Variants in RABGAP1L observed in about 807,000 individuals in gnomAD.
The protein encoded by RABGAP1L is rab GTPase-activating protein 1-like.
Under a neutral mutation model 137.7 loss-of-function variants are expected in RABGAP1L, and 63 were observed. The ratio of observed to expected loss-of-function variants is 0.46; its 90% CI spans 0.37 to 0.56. The LOEUF (loss-of-function observed/expected upper bound fraction) is 0.56, where lower values mean the gene tolerates loss of function less well. Among genes scored for constraint, RABGAP1L ranks in the 20% least tolerant of loss-of-function variants. RABGAP1L has a pLI of 0.00. For synonymous variants in RABGAP1L, 431 were observed against 433.7 expected (o/e 0.99, Z 0.08); for missense variants, 1,095 against 1,244.0 (o/e 0.88, Z 1.80).
At chr1:174,263,002 T>G (rs1404405106) in intron 7 of RABGAP1L, among the ~76,000 whole-genome samples, 1 of 152,236 alleles carries the variant, frequency 6.6e-6, no homozygotes, top group East Asian at 1.9e-4. Context: ...TGATGTTTGG[T>G]TCAACCCAGC....
At chr1:174,263,445 A>G (rs1018878802) in intron 7 of RABGAP1L, among the ~76,000 whole-genome samples, 1 of 152,132 alleles carries the variant, frequency 6.6e-6, no homozygotes, top group Non-Finnish European at 1.5e-5. Context: ...TGTTTAAATT[A>G]CTGTGTTTTC....
Position 174,699,802 on chromosome 1 carries a change from G to C in RABGAP1L, c.2025+152G>C, listed in dbSNP as rs905581848. 1.5e-3 allele frequency: 1,035 copies of C among 703,338 alleles called. 3 individuals are homozygous for C. The highest frequency in any genetic ancestry group is 1.6e-3 in the Non-Finnish European group (706 of 447,762). 43.6% of individuals were successfully genotyped at this position (703,338 alleles called of 1,614,324 possible). A position where few individuals can be genotyped will look rare whatever the true frequency, so the allele number is the denominator to read the frequency against. ...TTAGTTTCAGACCAATATCTACATTGGTCTATCATAATATGTTTATTTAGC... is the reference window on the plus strand; with the variant it reads ...TTAGTTTCAGACCAATATCTACATTCGTCTATCATAATATGTTTATTTAGC... On this transcript the variant is annotated intron_variant, in intron 16 of 25. Transcript: ENST00000681986.
chr1:174,191,014 C>A (rs951782697), intron 1 of RABGAP1L, among the ~76,000 whole-genome samples: 7 of 152,276 alleles, frequency 4.6e-5, no homozygotes, highest in Non-Finnish European at 8.8e-5. Context: ...CTCTGAAGTT[C>A]GCTGTCTTAG....
At chr1:174,367,701 A>C in intron 11 of RABGAP1L, 1 of 199,434 alleles carries the variant, frequency 5.0e-6, no homozygotes. Flanking sequence ...CAATACATAC[A>C]TAGGACTAAT....
At chr1:174,932,263 T>G (rs1490451859) in intron 19 of RABGAP1L, among the ~76,000 whole-genome samples, 1 of 151,804 alleles carries the variant, frequency 6.6e-6, no homozygotes, top group Non-Finnish European at 1.5e-5. Flanking sequence ...TTTTTTTTTT[T>G]TTAAAAGAAG....
intron 19 of RABGAP1L, among the ~76,000 whole-genome samples, chr1:174,814,721 G>A (rs145763993): frequency 0.022 from 3,292 of 151,044 alleles, 53 homozygotes; most frequent in Middle Eastern, 0.082. Flanking sequence ...TTGAAATGGA[G>A]TCTCATTCTG....
intron 10 of RABGAP1L, among the ~76,000 whole-genome samples, chr1:174,294,920 A>AT (rs796606635): frequency 0.063 from 9,141 of 146,124 alleles, 936 homozygotes; most frequent in African/African-American, 0.21. Context: ...GATACATTGA[A>AT]TTTTTTTTTT....
At chr1:174,708,551 T>C (rs1680228552) in intron 17 of RABGAP1L, among the ~76,000 whole-genome samples, 1 of 152,044 alleles carries the variant, frequency 6.6e-6, no homozygotes, top group Non-Finnish European at 1.5e-5. Context: ...GTCAAGGAAC[T>C]CCCTCCCCTA....
At chr1:174,809,517 TG>T (rs759958168) in intron 18 of RABGAP1L, among the ~76,000 whole-genome samples, 3 of 152,180 alleles carry the variant, frequency 2.0e-5, no homozygotes, top group Non-Finnish European at 2.9e-5. Flanking sequence ...AATTAGGCCT[TG>T]GCAATATTAG....
intron 13 of RABGAP1L, among the ~76,000 whole-genome samples, chr1:174,518,860 A>G (rs1215527036): frequency 6.6e-6 from 1 of 152,236 alleles, no homozygotes; most frequent in Non-Finnish European, 1.5e-5. Context: ...TCAGATGTAT[A>G]TAACAGCAAG....
chr1:174,326,527 T>C (rs994262857), intron 11 of RABGAP1L, among the ~76,000 whole-genome samples: 5 of 151,962 alleles, frequency 3.3e-5, no homozygotes, highest in African/African-American at 1.2e-4. Flanking sequence ...AAAAGTGGAA[T>C]TAGAAGGTAT....
chr1:174,648,309 A>G (rs1369836759), intron 14 of RABGAP1L, among the ~76,000 whole-genome samples: 1 of 151,908 alleles, frequency 6.6e-6, no homozygotes, highest in African/African-American at 2.4e-5. Flanking sequence ...GGTGTCAATT[A>G]TTGATCTTTC....
intron 21 of RABGAP1L, among the ~76,000 whole-genome samples, chr1:174,975,209 T>G (rs1670542878): frequency 6.6e-6 from 1 of 152,240 alleles, no homozygotes; most frequent in African/African-American, 2.4e-5. Flanking sequence ...TCCTGGAGCT[T>G]AAAGCCTAGT....
At chr1:174,225,365 C>G (rs1670086837) in intron 3 of RABGAP1L, among the ~76,000 whole-genome samples, 2 of 151,570 alleles carry the variant, frequency 1.3e-5, no homozygotes. Context: ...TGGGATTGGT[C>G]TGTGGATTAT....
intron 13 of RABGAP1L, among the ~76,000 whole-genome samples, chr1:174,621,632 G>C (rs1485958643): frequency 6.6e-6 from 1 of 152,116 alleles, no homozygotes; most frequent in Non-Finnish European, 1.5e-5. Flanking sequence ...AATGGTGTTG[G>C]GAAAACTGGC....
intron 1 of RABGAP1L, among the ~76,000 whole-genome samples, chr1:174,184,575 C>T (rs1666653028): frequency 6.6e-6 from 1 of 151,530 alleles, no homozygotes; most frequent in Non-Finnish European, 1.5e-5. Flanking sequence ...AATCTGTCAG[C>T]ATTTTTAAAA....
Position 174,988,823 on chromosome 1 carries a change from C to A in RABGAP1L, c.2988C>A (p.Ala996=). The A allele has an allele frequency of 6.5e-7, 1 of 1,535,882 alleles. No individual in the cohort carries two copies. Among genetic ancestry groups the A allele is most frequent in the Non-Finnish European group, 8.8e-7 (1 of 1,141,488 alleles). Residue 996 remains alanine, a synonymous_variant, in exon 25 of 26, where the codon GCC becomes GCA. Transcript: ENST00000681986. Reference sequence around the variant, plus strand: ...AAACCAAACTGCAGTTGGTGGAGGCCAAGTGTAAAATTCAGGTTGGTGATT... The same window carrying A: ...AAACCAAACTGCAGTTGGTGGAGGCAAAGTGTAAAATTCAGGTTGGTGATT... ...LAQTKLQLVE[A]KCKIQELEHQ...
chr1:174,516,720 T>C (rs1662892880), intron 13 of RABGAP1L, among the ~76,000 whole-genome samples: 1 of 152,062 alleles, frequency 6.6e-6, no homozygotes, highest in African/African-American at 2.4e-5. Context: ...GTGTTATAAT[T>C]AGGGCTTAGC....
chr1:174,636,558 A>G (rs1486903193), intron 13 of RABGAP1L, among the ~76,000 whole-genome samples: 2 of 151,682 alleles, frequency 1.3e-5, no homozygotes, highest in African/African-American at 2.4e-5. Context: ...TCATCTTAAT[A>G]TAGTAGCCTG....
Sources: gnomAD v4.1 joint callset for allele counts (sites outside exome capture counted in the v4.1 genomes callset) on GRCh38, gnomAD v4.1.1 for gene constraint, MANE v1.5 for transcripts, NCBI Gene and HGNC (gene_info 2026-07-23, HGNC 2026-07-21) for gene names.